Variants in SH2D6 observed in about 807,000 individuals in gnomAD.
The protein encoded by SH2D6 is SH2 domain-containing protein 6.
A neutral mutation model predicts 30.2 loss-of-function variants in SH2D6; 31 were observed. The observed-to-expected ratio is 1.03, with a 90% CI of 0.77 to 1.38. SH2D6 has a LOEUF of 1.38. SH2D6 is among the 40% of genes most tolerant of loss of function. SH2D6 has a pLI of 0.00. For synonymous variants in SH2D6, 93 were observed against 104.6 expected, an observed-to-expected ratio of 0.89 and a Z score of 0.68; for missense variants, 240 against 266.8, an observed-to-expected ratio of 0.90 and a Z score of 0.70.
intron 19 of SH2D6, 162 bp downstream of exon 19, chr2:85,434,659 G>A: frequency 7.8e-7 from 1 of 1,285,340 alleles, no homozygotes; most frequent in South Asian, 1.6e-5. Context: ...GGCATCTTCA[G>A]CATGAATGCA....
chr2:85,434,410 G>T, intron 18 of SH2D6, 40 bp downstream of exon 18: 1 of 1,550,620 alleles, frequency 6.4e-7, no homozygotes. Context: ...AGGGAGGCAG[G>T]GAGGGAGGCT....
At chr2:85,436,418 C>T in intron 22 of SH2D6, 48 bp from the exon 23 acceptor site, 1 of 1,448,964 alleles carries the variant, frequency 6.9e-7, no homozygotes, top group Non-Finnish European at 9.7e-7. Flanking sequence ...GAAATTGCTC[C>T]CAGCATGAGG....
chr2:85,425,934 G>C (rs1262424027), intron 6 of SH2D6, among the ~76,000 whole-genome samples: 1 of 152,206 alleles, frequency 6.6e-6, no homozygotes, highest in African/African-American at 2.4e-5. Context: ...TCAGCGGCAA[G>C]GGGAGGCTGG....
At chr2:85,428,237 G>A (rs142907378) in intron 6 of SH2D6, among the ~76,000 whole-genome samples, 39 of 151,886 alleles carry the variant, frequency 2.6e-4, no homozygotes, top group African/African-American at 8.2e-4. Flanking sequence ...TAATTCCATC[G>A]TAGGAAAGTA....
At position 85,435,802 on chromosome 2, in the gene SH2D6, G is replaced by A. The variant is rs754404958; in HGVS notation, c.869G>A (p.Arg290Gln). 65 of 1,598,194 alleles carry A rather than the reference G, an allele frequency of 4.1e-5. No individual in the cohort carries two copies. The highest frequency in any genetic ancestry group is 1.7e-4 in the Middle Eastern group (1 of 5,970). ...LDGGRHYALG[R>Q]EGRNREELFS... Reference sequence around the variant, plus strand: ...GGCGGACGCCACTATGCCCTGGGCCGGGAGGGCAGGAACCGTGAGGAGGTG... The same window carrying A: ...GGCGGACGCCACTATGCCCTGGGCCAGGAGGGCAGGAACCGTGAGGAGGTG... Residue 290 changes from arginine to glutamine, a missense_variant, in exon 22 of 24, where the codon CGG becomes CAG. Physicochemically the swap from Arg to Gln is conservative, Grantham distance 43. Transcript: ENST00000469800.
At chr2:85,426,885 T>G (rs917566616) in intron 6 of SH2D6, among the ~76,000 whole-genome samples, 19 of 152,252 alleles carry the variant, frequency 1.2e-4, no homozygotes, top group Non-Finnish European at 2.6e-4. Flanking sequence ...TCTTGGGGAC[T>G]GAGCCCTCAA....
At chr2:85,429,058 G>A (rs1214846501) in intron 7 of SH2D6, among the ~76,000 whole-genome samples, 1 of 152,242 alleles carries the variant, frequency 6.6e-6, no homozygotes, top group Non-Finnish European at 1.5e-5. Context: ...TCACTCACCA[G>A]CAAATGACAA....
intron 2 of SH2D6, chr2:85,421,415 A>T (rs1309529615): frequency 6.6e-6 from 1 of 152,264 alleles, no homozygotes; most frequent in Non-Finnish European, 1.5e-5. Context: ...ATGGACAGGA[A>T]ATGGGCAAGA....
intron 19 of SH2D6, 92 bp from the exon 20 acceptor site, chr2:85,434,973 C>T (rs758200217): frequency 1.9e-6 from 3 of 1,574,988 alleles, no homozygotes; most frequent in South Asian, 2.3e-5. Context: ...CCTCCTCCTA[C>T]CCCCCACCCC....
chr2:85,434,195 C>T, intron 17 of SH2D6, 84 bp downstream of exon 17: 1 of 1,524,768 alleles, frequency 6.6e-7, no homozygotes, highest in Non-Finnish European at 8.9e-7. Flanking sequence ...CTTCCCCAGC[C>T]CTGACCCTGG....
At position 85,430,838 on chromosome 2, in the gene SH2D6, C is replaced by T. The variant is rs138834402; in HGVS notation, c.250+186C>T. On this transcript the variant is annotated intron_variant, in intron 12 of 23. Coordinates refer to ENST00000469800, the MANE Select transcript of SH2D6 (RefSeq NM_001394463.1). This position sits in a 1 kb window ranked among gnomAD's most constrained non-coding sequence, Gnocchi z 4.3. ...AGGGAGAGAGAGAGGGATGAAGGAA[C>T]GGAGGGAGGGAGGGTGGGAGGGAGG... Among the ~76,000 whole-genome samples, 8,424 of 53,918 alleles carry T rather than the reference C, an allele frequency of 0.16. 333 individuals carry two copies. Among genetic ancestry groups the T allele is most frequent in the Middle Eastern group, 0.28 (26 of 92 alleles). The allele number at this position is 53,918 out of a possible 152,430, so 35.4% of individuals were successfully genotyped here. A position where few individuals can be genotyped will look rare whatever the true frequency, so the allele number is the denominator to read the frequency against.
Position 85,435,798 on chromosome 2 carries a change from G to C in SH2D6, c.865G>C (p.Gly289Arg), listed in dbSNP as rs200980149. ...RLDGGRHYAL[G>R]REGRNREELF... The stretch of plus-strand genomic sequence containing the variant: ...GGATGGCGGACGCCACTATGCCCTG[G>C]GCCGGGAGGGCAGGAACCGTGAGGA... The change falls in exon 22 of 24, where the codon GGC becomes CGC. Residue 289 changes from glycine (G) to arginine (R), a missense_variant. Physicochemically the swap from Gly to Arg is moderately radical, Grantham distance 125. Coordinates refer to ENST00000469800, the MANE Select transcript of SH2D6 (RefSeq NM_001394463.1). The C allele has an allele frequency of 1.4e-4, 231 of 1,600,148 alleles. 1 individual carries two copies. The East Asian group carries it at 4.3e-3, about 30-fold the overall frequency.
At chr2:85,433,752 G>A (rs970415288) in intron 16 of SH2D6, 121 bp downstream of exon 16, 5 of 768,892 alleles carry the variant, frequency 6.5e-6, no homozygotes, top group South Asian at 2.9e-5. Flanking sequence ...CCACCAACAC[G>A]CATTTGCCTT....
At chr2:85,435,872 ACCCCAGG>A in intron 22 of SH2D6, 48 bp downstream of exon 22, 2 of 1,494,650 alleles carry the variant, frequency 1.3e-6, no homozygotes, top group Non-Finnish European at 1.8e-6. Context: ...ACAGAGCAGT[ACCCCAGG>A]CCTAGCCAAG....
At position 85,434,473 on chromosome 2, in the gene SH2D6, G is replaced by C. The variant is rs1274343526; in HGVS notation, c.565G>C (p.Gly189Arg). ...TCTGATCAGACCTCCTGTATGCCAG[G>C]GAACAGCAGATGCTGCCTCTAAAGG... ...PTTAPQETRN[G>R]TADAASKEGR... is the part of the protein sequence containing the mutation. Residue 189 changes from glycine to arginine, a missense_variant and splice_region_variant, in exon 19 of 24, where the codon GGA (glycine) becomes CGA (arginine). Gly to Arg is a moderately radical substitution (Grantham distance 125, BLOSUM62 -2). Transcript: ENST00000469800. 1.9e-6 allele frequency: 3 copies of C among 1,550,378 alleles called. No individual in the cohort carries two copies. Among genetic ancestry groups the C allele is most frequent in the Non-Finnish European group, 2.6e-6 (3 of 1,146,994 alleles).
intron 5 of SH2D6, among the ~76,000 whole-genome samples, chr2:85,424,863 T>G (rs549594572): frequency 6.6e-6 from 1 of 152,226 alleles, no homozygotes; most frequent in East Asian, 1.9e-4. Flanking sequence ...GTCAGGAGTT[T>G]GAGATCAGCC....
chr2:85,432,623 A>G (rs1223996733), intron 14 of SH2D6, among the ~76,000 whole-genome samples: 1 of 151,912 alleles, frequency 6.6e-6, no homozygotes, highest in Non-Finnish European at 1.5e-5. Flanking sequence ...GATGGTCTCG[A>G]TCTCCTGACC....
intron 6 of SH2D6, among the ~76,000 whole-genome samples, chr2:85,426,408 G>A (rs1296280643): frequency 6.6e-6 from 1 of 151,836 alleles, no homozygotes; most frequent in Non-Finnish European, 1.5e-5. Flanking sequence ...AATCTCTCTG[G>A]CCTTTTCCTG....
chr2:85,434,617 T>TAAA (rs532727235), intron 19 of SH2D6, 120 bp downstream of exon 19: 2,782 of 991,060 alleles, frequency 2.8e-3, no homozygotes, highest in South Asian at 4.9e-3. Flanking sequence ...TGACTAGACT[T>TAAA]AAAAAAAAAA....
Sources: gnomAD v4.1 joint callset for allele counts (sites outside exome capture counted in the v4.1 genomes callset) on GRCh38, gnomAD v4.1.1 for gene constraint, Gnocchi (gnomAD v3.1) non-coding constraint, MANE v1.5 for transcripts, NCBI Gene and HGNC (gene_info 2026-07-23, HGNC 2026-07-21) for gene names.